The following AGBL1 variants were observed in gnomAD, a reference collection of about 807,000 sequenced individuals.
The protein encoded by AGBL1 is cytosolic carboxypeptidase 4.
Under a neutral mutation model 118.9 loss-of-function variants are expected in AGBL1, and 130 were observed. That is an observed-to-expected ratio of 1.09 (90% CI 0.95 to 1.26). The LOEUF (loss-of-function observed/expected upper bound fraction) is 1.26, where lower values mean the gene tolerates loss of function less well. AGBL1 is among the 50% of genes most tolerant of loss of function. The pLI, the probability that AGBL1 is intolerant of heterozygous loss-of-function variation, is 0.00. For synonymous variants in AGBL1, 555 were observed against 478.9 expected, an observed-to-expected ratio of 1.16 and a Z score of -2.08; for missense variants, 1,584 against 1,298.1, an observed-to-expected ratio of 1.22 and a Z score of -3.38.
chr15:86,573,190 C>G (rs1259637440), intron 21 of AGBL1, among the ~76,000 whole-genome samples: 1 of 152,192 alleles, frequency 6.6e-6, no homozygotes, highest in East Asian at 1.9e-4. Context: ...TAACCAAGGG[C>G]AGATAATAGC....
chr15:86,145,735 C>G (rs374144517), intron 3 of AGBL1, among the ~76,000 whole-genome samples: 1 of 152,238 alleles, frequency 6.6e-6, no homozygotes, highest in Admixed American at 6.5e-5. Flanking sequence ...TACTGCATGT[C>G]TCCTAGGGCC....
chr15:87,006,274 T>G (rs2081502137), intron 24 of AGBL1, among the ~76,000 whole-genome samples: 2 of 152,212 alleles, frequency 1.3e-5, no homozygotes, highest in Admixed American at 1.3e-4. Context: ...TGTTTAGCTA[T>G]GCCCTGCCCC....
chr15:86,946,852 A>AC (rs1339104538), intron 23 of AGBL1, among the ~76,000 whole-genome samples: 2 of 146,202 alleles, frequency 1.4e-5, no homozygotes, highest in Non-Finnish European at 3.0e-5. Flanking sequence ...CCAAAAAAAA[A>AC]AAAAAAAAAC....
chr15:86,123,212 C>G (rs1898196766), intron 1 of AGBL1, among the ~76,000 whole-genome samples: 1 of 151,978 alleles, frequency 6.6e-6, no homozygotes, highest in South Asian at 2.1e-4. Context: ...ATGAGAAAAC[C>G]CTGGTCTCCA....
chr15:86,449,764 G>T (rs566593931), intron 18 of AGBL1, among the ~76,000 whole-genome samples: 9 of 152,204 alleles, frequency 5.9e-5, no homozygotes, highest in African/African-American at 1.7e-4. Context: ...CTGGTGTTCA[G>T]TGAGGCAGAT....
At chr15:86,598,522 T>C (rs1422603745) in intron 21 of AGBL1, among the ~76,000 whole-genome samples, 4 of 152,154 alleles carry the variant, frequency 2.6e-5, no homozygotes, top group African/African-American at 9.7e-5. Context: ...AAAAGGGATG[T>C]AGAGCAATGC....
At chr15:86,896,067 CT>C (rs1436769377) in intron 22 of AGBL1, among the ~76,000 whole-genome samples, 2 of 151,990 alleles carry the variant, frequency 1.3e-5, no homozygotes, top group Admixed American at 6.6e-5. Flanking sequence ...TTCTATTAAG[CT>C]TTTTGTTAAA....
chr15:86,413,489 A>T (rs1005743068), intron 18 of AGBL1, among the ~76,000 whole-genome samples: 1 of 152,116 alleles, frequency 6.6e-6, no homozygotes, highest in Non-Finnish European at 1.5e-5. Flanking sequence ...ATTCCTATCA[A>T]CAGTCTATAA....
At chr15:86,940,118 A>AG (rs1248290664) in intron 23 of AGBL1, among the ~76,000 whole-genome samples, 2 of 117,156 alleles carry the variant, frequency 1.7e-5, no homozygotes, top group Admixed American at 2.5e-4. Flanking sequence ...TGTGTTGCTC[A>AG]GCCTGGGCTC....
At chr15:86,980,388 G>C (rs1419406026) in intron 23 of AGBL1, among the ~76,000 whole-genome samples, 1 of 152,182 alleles carries the variant, frequency 6.6e-6, no homozygotes, top group Non-Finnish European at 1.5e-5. Context: ...AATAGCATTG[G>C]CTGCTGTGTA....
At chr15:86,925,239 G>T (rs906445020) in intron 23 of AGBL1, among the ~76,000 whole-genome samples, 1 of 151,706 alleles carries the variant, frequency 6.6e-6, no homozygotes, top group African/African-American at 2.4e-5. Flanking sequence ...CCTGAACCTG[G>T]GTGGCTTGTT....
intron 24 of AGBL1, among the ~76,000 whole-genome samples, chr15:87,004,072 A>C (rs559703341): frequency 3.3e-5 from 5 of 152,122 alleles, no homozygotes; most frequent in Non-Finnish European, 7.4e-5. Context: ...TATCAATTTT[A>C]GATCTTTCCT....
intron 23 of AGBL1, among the ~76,000 whole-genome samples, chr15:86,965,515 T>C (rs2081041483): frequency 6.6e-6 from 1 of 152,134 alleles, no homozygotes; most frequent in Admixed American, 6.6e-5. Flanking sequence ...AAGTTCTTTA[T>C]AGATTCTGGA....
At chr15:86,560,862 G>C (rs1048712362) in intron 21 of AGBL1, among the ~76,000 whole-genome samples, 4 of 152,170 alleles carry the variant, frequency 2.6e-5, no homozygotes, top group Non-Finnish European at 5.9e-5. Context: ...TGTCATTGTG[G>C]TTTTGATTTG....
intron 22 of AGBL1, among the ~76,000 whole-genome samples, chr15:86,688,157 C>CA (rs2086095977): frequency 6.6e-6 from 1 of 152,104 alleles, no homozygotes; most frequent in Admixed American, 6.6e-5. Context: ...GGGGAAGGCA[C>CA]ATTGCTTGGT....
chr15:86,403,579 T>TA (rs1163012726), intron 18 of AGBL1, among the ~76,000 whole-genome samples: 1 of 152,096 alleles, frequency 6.6e-6, no homozygotes, highest in Non-Finnish European at 1.5e-5. Context: ...AGAATCCATC[T>TA]AAAAAATTAT....
chr15:86,254,960 C>A (rs369880425), intron 7 of AGBL1, among the ~76,000 whole-genome samples: 74 of 152,310 alleles, frequency 4.9e-4, no homozygotes, highest in African/African-American at 1.7e-3. Flanking sequence ...TTAATACTCC[C>A]TCCAGCCTTC....
chr15:86,482,941 G>A (rs2082670970), intron 18 of AGBL1, among the ~76,000 whole-genome samples: 1 of 152,004 alleles, frequency 6.6e-6, no homozygotes, highest in African/African-American at 2.4e-5. Flanking sequence ...GTCTGCAGGG[G>A]GGCCATTCTG....
chr15:86,249,103 T>TC (rs2078767345), intron 7 of AGBL1, among the ~76,000 whole-genome samples: 1 of 152,174 alleles, frequency 6.6e-6, no homozygotes. Context: ...CTAATTGAAA[T>TC]CCTATAGTTT....
Sources: gnomAD v4.1 joint callset for allele counts (sites outside exome capture counted in the v4.1 genomes callset) on GRCh38, gnomAD v4.1.1 for gene constraint, MANE v1.5 for transcripts, NCBI Gene and HGNC (gene_info 2026-07-23, HGNC 2026-07-21) for gene names.